The following MLLT10 variants were observed in gnomAD, a reference collection of about 807,000 sequenced individuals.
The protein encoded by MLLT10 is protein AF-10.
Under a neutral mutation model 129.1 loss-of-function variants are expected in MLLT10, and 30 were observed. The ratio of observed to expected loss-of-function variants is 0.23; its 90% CI spans 0.17 to 0.32. MLLT10 has a LOEUF of 0.32. Ranked by LOEUF, MLLT10 falls within the 10% of genes least tolerant of loss-of-function variation. The pLI, the probability that MLLT10 is intolerant of heterozygous loss-of-function variation, is 1.00. For synonymous variants in MLLT10, 490 were observed against 446.4 expected (o/e 1.10, Z -1.23); for missense variants, 1,119 against 1,268.3 (o/e 0.88, Z 1.79).
chr10:21,630,218 A>G (rs1051087963), intron 8 of MLLT10, among the ~76,000 whole-genome samples: 10 of 152,220 alleles, frequency 6.6e-5, no homozygotes, highest in African/African-American at 2.2e-4. Flanking sequence ...ATAATGGATC[A>G]TGAGATTGAG....
chr10:21,537,225 G>C (rs533158657), intron 2 of MLLT10, among the ~76,000 whole-genome samples: 1 of 152,226 alleles, frequency 6.6e-6, no homozygotes, highest in South Asian at 2.1e-4. Context: ...GTTTTAAAAA[G>C]TTATACTGAA....
chr10:21,617,122 A>G lies in MLLT10; in HGVS notation c.614A>G (p.Lys205Arg). 1 of 1,510,800 alleles carries G rather than the reference A, an allele frequency of 6.6e-7. No individual in the cohort carries two copies. The allele number at this position is 1,510,800 out of a possible 1,614,324, so 93.6% of individuals were successfully genotyped here. ...KYHFSKLKKS[K>R]RGSNRSYDQS... ...TATTTTCTTTTTTAGAAAAAGAGCA[A>G]ACGGGGATCTAATAGGTCATATGAT... The change falls in exon 8 of 23, where the codon AAA becomes AGA. Residue 205 changes from lysine (K) to arginine (R), a missense_variant. By Grantham distance (26) the Lys-to-Arg change is conservative (BLOSUM62 2). Coordinates refer to ENST00000307729, the MANE Select transcript of MLLT10 (RefSeq NM_001195626.3).
At chr10:21,578,250 T>A (rs74556421) in intron 3 of MLLT10, among the ~76,000 whole-genome samples, 23,841 of 152,178 alleles carry the variant, frequency 0.16, 1,945 homozygotes, top group East Asian at 0.31. Flanking sequence ...TTTCATGTGC[T>A]TATTGGTCAT....
chr10:21,690,885 A>G (rs1008982562), intron 13 of MLLT10, among the ~76,000 whole-genome samples: 1 of 152,134 alleles, frequency 6.6e-6, no homozygotes, highest in Non-Finnish European at 1.5e-5. Flanking sequence ...TTATTCTAAT[A>G]TCCTCTTTTT....
chr10:21,640,739 G>C (rs906281561), intron 8 of MLLT10, among the ~76,000 whole-genome samples: 1 of 152,168 alleles, frequency 6.6e-6, no homozygotes, highest in Non-Finnish European at 1.5e-5. Flanking sequence ...GGTTGCCATT[G>C]CCTAACTCAA....
chr10:21,557,022 GTCT>G, intron 3 of MLLT10: 1 of 1,459,588 alleles, frequency 6.9e-7, no homozygotes, highest in South Asian at 1.5e-5. Context: ...CCAAGTACTA[GTCT>G]TCAGTCTATC....
intron 3 of MLLT10, among the ~76,000 whole-genome samples, chr10:21,566,465 A>G (rs1242912348): frequency 2.7e-5 from 4 of 150,500 alleles, no homozygotes; most frequent in Admixed American, 2.7e-4. Flanking sequence ...AGTAGATGGG[A>G]TTACAGGCAT....
At chr10:21,726,421 T>C in intron 15 of MLLT10, 66 bp downstream of exon 15, 1 of 1,149,438 alleles carries the variant, frequency 8.7e-7, no homozygotes, top group Non-Finnish European at 1.3e-6. Flanking sequence ...TTTCCCCTTT[T>C]GGTTCATTTT....
In MLLT10 at chr10:21,673,716, A is replaced by G. The variant is rs760099123; in HGVS notation, c.1418A>G (p.Gln473Arg). Residue 473 changes from glutamine (Q) to arginine (R), a missense_variant, in exon 11 of 23, where the codon CAA becomes CGA. Coordinates refer to ENST00000307729, the MANE Select transcript of MLLT10 (RefSeq NM_001195626.3). ...GAAAAGAAAAGGAAAGGAAATAAAC[A>G]AAGTAAGCATGGGCCTGGCAGACCC... Reference protein sequence around the residue: ...VKEKKRKGNKQSKHGPGRPKG... With the variant: ...VKEKKRKGNKRSKHGPGRPKG... The G allele has an allele frequency of 2.7e-5, 43 of 1,614,060 alleles. No individual in the cohort carries two copies. Among genetic ancestry groups the G allele is most frequent in the Middle Eastern group, 1.6e-4 (1 of 6,084 alleles).
chr10:21,742,209 T>A lies in MLLT10; in HGVS notation c.*226T>A. On this transcript the variant is annotated 3_prime_UTR_variant, in exon 23 of 23. Coordinates refer to ENST00000307729, the MANE Select transcript of MLLT10 (RefSeq NM_001195626.3). The stretch of plus-strand genomic sequence containing the variant: ...GCCCCTACCCCTTACCCCAGTTTTT[T>A]GAACATGGAAAGAAAATTTAATAAC... The A allele has an allele frequency of 2.4e-6, 1 of 415,916 alleles. No homozygotes were observed. Among genetic ancestry groups the A allele is most frequent in the African/African-American group, 2.0e-5 (1 of 49,218 alleles). The allele number at this position is 415,916 out of a possible 1,614,324, so 25.8% of individuals were successfully genotyped here. A position where few individuals can be genotyped will look rare whatever the true frequency, so the allele number is the denominator to read the frequency against.
At chr10:21,739,099 C>G (rs2058623040) in intron 21 of MLLT10, among the ~76,000 whole-genome samples, 1 of 152,224 alleles carries the variant, frequency 6.6e-6, no homozygotes, top group Non-Finnish European at 1.5e-5. Flanking sequence ...TCCATCCTCA[C>G]TCTGACACCC....
At chr10:21,730,250 C>A in intron 16 of MLLT10, among the ~76,000 whole-genome samples, 1 of 148,702 alleles carries the variant, frequency 6.7e-6, no homozygotes, top group African/African-American at 2.5e-5. Flanking sequence ...TGTAGTGAGC[C>A]ATCATTGCAC....
chr10:21,652,926 G>A (rs1182333350), intron 9 of MLLT10, among the ~76,000 whole-genome samples: 1 of 152,122 alleles, frequency 6.6e-6, no homozygotes, highest in Non-Finnish European at 1.5e-5. Flanking sequence ...TAAGTTAGAG[G>A]CATATGAGAA....
intron 13 of MLLT10, among the ~76,000 whole-genome samples, chr10:21,687,124 C>T (rs1313612480): frequency 1.3e-5 from 2 of 152,100 alleles, no homozygotes; most frequent in African/African-American, 2.4e-5. Context: ...GAGACAACTG[C>T]GCTCACTAAA....
intron 3 of MLLT10, among the ~76,000 whole-genome samples, chr10:21,565,232 A>G (rs1429565197): frequency 6.6e-6 from 1 of 151,912 alleles, no homozygotes; most frequent in Admixed American, 6.6e-5. Flanking sequence ...ATACCTTTTT[A>G]ATTTTTTTTT....
At chr10:21,662,487 G>A (rs1258046205) in intron 9 of MLLT10, among the ~76,000 whole-genome samples, 1 of 151,502 alleles carries the variant, frequency 6.6e-6, no homozygotes, top group Non-Finnish European at 1.5e-5. Context: ...TTCTTGAGTT[G>A]TGTCCCACTC....
At chr10:21,535,788 A>T (rs1440986414) in intron 2 of MLLT10, among the ~76,000 whole-genome samples, 1 of 152,204 alleles carries the variant, frequency 6.6e-6, no homozygotes, top group East Asian at 1.9e-4. Context: ...ACTACCACCA[A>T]AAGGGAGACG....
intron 8 of MLLT10, among the ~76,000 whole-genome samples, chr10:21,633,888 C>T (rs1168463762): frequency 6.6e-6 from 1 of 152,056 alleles, no homozygotes; most frequent in Admixed American, 6.5e-5. Flanking sequence ...GAGCAATGTC[C>T]TAATTGATAG....
chr10:21,589,594 C>T (rs533364997), intron 4 of MLLT10, among the ~76,000 whole-genome samples: 2 of 152,166 alleles, frequency 1.3e-5, no homozygotes, highest in South Asian at 4.1e-4. Flanking sequence ...TGCTTTTTTC[C>T]TCTTTCTGAA....
Sources: allele counts gnomAD v4.1 joint callset (sites outside exome capture counted in the v4.1 genomes callset), GRCh38; gene constraint gnomAD v4.1.1; transcripts MANE v1.5; gene names NCBI Gene and HGNC (gene_info 2026-07-23, HGNC 2026-07-21).